The following CADPS2 variants were observed in gnomAD, a reference collection of about 807,000 sequenced individuals.
The protein encoded by CADPS2 is calcium dependent secretion activator 2.
In CADPS2, 93 loss-of-function variants were observed where a neutral mutation model predicts 172.5. The ratio of observed to expected loss-of-function variants is 0.54; its 90% CI spans 0.46 to 0.64. CADPS2 has a LOEUF of 0.64. Among genes scored for constraint, CADPS2 ranks in the 30% least tolerant of loss-of-function variants. CADPS2 has a pLI of 0.00. For synonymous variants in CADPS2, 546 were observed against 555.2 expected (o/e 0.98, Z 0.23); for missense variants, 1,420 against 1,565.9 (o/e 0.91, Z 1.57).
chr7:122,783,243 T>G (rs1793222570), intron 1 of CADPS2, among the ~76,000 whole-genome samples: 1 of 152,046 alleles, frequency 6.6e-6, no homozygotes. Context: ...CTAGGTTTAC[T>G]TTTGTAACCC....
intron 6 of CADPS2, among the ~76,000 whole-genome samples, chr7:122,601,780 C>T (rs1490788764): frequency 6.6e-6 from 1 of 151,854 alleles, no homozygotes; most frequent in Non-Finnish European, 1.5e-5. Flanking sequence ...TCATCCAGGT[C>T]GCAGAGTTCC....
At chr7:122,486,444 T>C (rs930556548) in intron 11 of CADPS2, among the ~76,000 whole-genome samples, 5 of 152,060 alleles carry the variant, frequency 3.3e-5, no homozygotes, top group African/African-American at 9.7e-5. Flanking sequence ...GTCATGAAAA[T>C]AGCAAAAGAA....
At chr7:122,634,458 C>T (rs1292910770) in intron 3 of CADPS2, among the ~76,000 whole-genome samples, 1 of 152,124 alleles carries the variant, frequency 6.6e-6, no homozygotes, top group Non-Finnish European at 1.5e-5. Context: ...GTAGCATATA[C>T]AGAGGTTTTC....
At chr7:122,431,792 C>A (rs1459448656) in intron 17 of CADPS2, among the ~76,000 whole-genome samples, 1 of 151,878 alleles carries the variant, frequency 6.6e-6, no homozygotes, top group African/African-American at 2.4e-5. Context: ...GGTTTGAGAC[C>A]AGCCTGGCCA....
chr7:122,623,259 G>T (rs537871806), intron 4 of CADPS2, among the ~76,000 whole-genome samples: 1 of 151,920 alleles, frequency 6.6e-6, no homozygotes, highest in Admixed American at 6.6e-5. Context: ...GGAAGGAATT[G>T]TCTTTAGAAT....
At chr7:122,534,335 T>C (rs1455215466) in intron 8 of CADPS2, among the ~76,000 whole-genome samples, 8 of 152,118 alleles carry the variant, frequency 5.3e-5, no homozygotes, top group Non-Finnish European at 1.2e-4. Flanking sequence ...TTTTAACATA[T>C]CAAGACTATT....
chr7:122,447,616 C>T (rs915254279), intron 15 of CADPS2, among the ~76,000 whole-genome samples: 2 of 133,508 alleles, frequency 1.5e-5, no homozygotes, highest in Admixed American at 8.8e-5. Context: ...TGCAGTCAGG[C>T]GATCTCGGCT....
chr7:122,771,403 T>C (rs2093700283), intron 1 of CADPS2, among the ~76,000 whole-genome samples: 1 of 152,222 alleles, frequency 6.6e-6, no homozygotes, highest in Non-Finnish European at 1.5e-5. Flanking sequence ...GCTACTATAA[T>C]TTGGCTATGG....
intron 24 of CADPS2, among the ~76,000 whole-genome samples, chr7:122,383,840 T>G (rs2043295847): frequency 6.6e-6 from 1 of 152,164 alleles, no homozygotes; most frequent in African/African-American, 2.4e-5. Flanking sequence ...GGTACTGGAT[T>G]GTTAGTTCCA....
intron 2 of CADPS2, chr7:122,702,636 T>C (rs1564110348): frequency 3.1e-6 from 5 of 1,613,534 alleles, no homozygotes; most frequent in Admixed American, 1.7e-5. Flanking sequence ...AGGTGAGCTG[T>C]CCAAATGGCT....
At chr7:122,454,434 T>C (rs2053510601) in intron 14 of CADPS2, among the ~76,000 whole-genome samples, 2 of 151,894 alleles carry the variant, frequency 1.3e-5, no homozygotes, top group South Asian at 4.1e-4. Flanking sequence ...CTTCCTGCTA[T>C]ATTTTGATAG....
intron 1 of CADPS2, among the ~76,000 whole-genome samples, chr7:122,766,144 C>T (rs1403381521): frequency 6.6e-6 from 1 of 152,070 alleles, no homozygotes; most frequent in Non-Finnish European, 1.5e-5. Context: ...ACACCACACT[C>T]TTGCAGTAAC....
intron 28 of CADPS2, chr7:122,331,202 T>TA (rs1255735280): frequency 6.6e-6 from 1 of 152,130 alleles, no homozygotes; most frequent in African/African-American, 2.4e-5. Flanking sequence ...TGTATAGACA[T>TA]AAAAATGAAA....
Position 122,683,800 on chromosome 7 carries a change from T to C in CADPS2, c.454-20231A>G, listed in dbSNP as rs1443490472. On this transcript the variant is annotated intron_variant, in intron 2 of 29. Transcript: ENST00000449022. ...GGCTGCTGTCTGTGTGGAGTTTGCA[T>C]GTTCTCCCCAAGTCTACATGGGTTT... Among the ~76,000 whole-genome samples the C allele has an allele frequency of 2.6e-5, 4 of 152,058 alleles. No homozygotes were observed. The East Asian group carries it at 5.8e-4, about 22-fold the overall frequency.
At chr7:122,353,794 T>G (rs2038996692) in intron 27 of CADPS2, among the ~76,000 whole-genome samples, 1 of 152,198 alleles carries the variant, frequency 6.6e-6, no homozygotes, top group Non-Finnish European at 1.5e-5. Flanking sequence ...ATGTCACCTT[T>G]GTAAATAACT....
intron 1 of CADPS2, among the ~76,000 whole-genome samples, chr7:122,881,266 T>C (rs901342831): frequency 6.6e-6 from 1 of 152,160 alleles, no homozygotes; most frequent in Admixed American, 6.5e-5. Flanking sequence ...TAAGCAGTCA[T>C]TATATATCAA....
chr7:122,589,660 A>G (rs929890521), intron 6 of CADPS2, among the ~76,000 whole-genome samples: 20 of 151,940 alleles, frequency 1.3e-4, no homozygotes. Context: ...TATAAGAGAT[A>G]AAGAAACTTA....
At chr7:122,477,865 A>G (rs2056882494) in intron 12 of CADPS2, among the ~76,000 whole-genome samples, 1 of 152,170 alleles carries the variant, frequency 6.6e-6, no homozygotes, top group Non-Finnish European at 1.5e-5. Context: ...CATGTTGTAC[A>G]TTAGATCTCT....
At chr7:122,719,131 A>G (rs1455895227) in intron 2 of CADPS2, among the ~76,000 whole-genome samples, 1 of 151,620 alleles carries the variant, frequency 6.6e-6, no homozygotes, top group Non-Finnish European at 1.5e-5. Flanking sequence ...CTTTGGGTGT[A>G]GGAGGAGGGA....
Sources: gnomAD v4.1 joint callset for allele counts (sites outside exome capture counted in the v4.1 genomes callset) on GRCh38, gnomAD v4.1.1 for gene constraint, MANE v1.5 for transcripts, NCBI Gene and HGNC (gene_info 2026-07-23, HGNC 2026-07-21) for gene names.